Variants in FOXK1 observed in about 807,000 individuals in gnomAD.
FOXK1 encodes forkhead box protein K1.
Under a neutral mutation model 51.9 loss-of-function variants are expected in FOXK1, and 19 were observed. The observed-to-expected ratio is 0.37, with a 90% confidence interval of 0.26 to 0.54. The LOEUF is 0.54. FOXK1 is among the 20% of genes least tolerant of loss of function. The pLI, the probability that FOXK1 is intolerant of heterozygous loss-of-function variation, is 0.87. For missense variants in FOXK1, 870 were observed against 1,032.7 expected (o/e 0.84, Z 2.16); for synonymous variants, 537 against 482.6 (o/e 1.11, Z -1.48).
intron 7 of FOXK1, among the ~76,000 whole-genome samples, chr7:4,760,450 T>C (rs1222675675): frequency 2.0e-5 from 3 of 152,186 alleles, no homozygotes; most frequent in Non-Finnish European, 4.4e-5. Context: ...AAACTGCAGT[T>C]TGGTGAGGGA....
At position 4,762,265 on chromosome 7, in the gene FOXK1, G is replaced by A. The variant is rs1562393117; in HGVS notation, c.2003G>A (p.Gly668Glu). The A allele has an allele frequency of 1.3e-6, 2 of 1,551,248 alleles. No individual in the cohort carries two copies. The change falls in exon 9 of 9, where the codon GGG (glycine) becomes GAG (glutamate). Residue 668 changes from glycine to glutamate, a missense_variant. Around this residue, in one of 3 missense-constraint regions of FOXK1, gnomAD observed 457 missense variants for 510.8 expected, o/e 0.89. Coordinates refer to ENST00000328914, the MANE Select transcript of FOXK1 (RefSeq NM_001037165.2). This position sits in a 1 kb window ranked among gnomAD's most constrained non-coding sequence, Gnocchi z 5.7. ...PVVVTRVCEVGPKEPAAAVAA... is the reference protein window; with the variant it reads ...PVVVTRVCEVEPKEPAAAVAA... ...GTGGTCACCCGGGTGTGCGAGGTGG[G>A]GCCCAAGGAGCCAGCAGCAGCCGTC...
rs113397751 is a variant in FOXK1, at chr7:4,764,473, G to T, written c.*2009G>T. The T allele has an allele frequency of 0.038, 5,853 of 154,574 alleles. 368 individuals carry two copies. The highest frequency in any genetic ancestry group is 0.13 in the African/African-American group (5,418 of 41,604). The allele number at this position is 154,574 out of a possible 1,614,324, so 9.6% of individuals were successfully genotyped here. A position where few individuals can be genotyped will look rare whatever the true frequency, so the allele number is the denominator to read the frequency against. The stretch of plus-strand genomic sequence containing the variant: ...TTACGTCCGTGGAGGGTGAGAGATT[G>T]CGCCCCGTTCCACACTTGTGTCGCC... On this transcript the variant is annotated 3_prime_UTR_variant, in exon 9 of 9. Transcript: ENST00000328914.
chr7:4,716,179 C>G (rs969606528), intron 1 of FOXK1, among the ~76,000 whole-genome samples: 1 of 151,818 alleles, frequency 6.6e-6, no homozygotes, highest in Non-Finnish European at 1.5e-5. Flanking sequence ...TGAGATTGCG[C>G]CTCTGCACTC....
At chr7:4,741,519 C>CG (rs1214147551) in intron 2 of FOXK1, among the ~76,000 whole-genome samples, 1 of 152,026 alleles carries the variant, frequency 6.6e-6, no homozygotes, top group Non-Finnish European at 1.5e-5. Flanking sequence ...TTAGTAGAGA[C>CG]GGGGTTTCAC....
At chr7:4,751,881 A>C (rs1457907772) in intron 2 of FOXK1, among the ~76,000 whole-genome samples, 2 of 152,230 alleles carry the variant, frequency 1.3e-5, no homozygotes, top group Non-Finnish European at 2.9e-5. Flanking sequence ...AGGCTTCGCC[A>C]ACCTTTCTTA....
intron 1 of FOXK1, among the ~76,000 whole-genome samples, chr7:4,692,617 A>T (rs1035236703): frequency 1.3e-5 from 2 of 151,034 alleles, no homozygotes; most frequent in African/African-American, 4.9e-5. Flanking sequence ...CTGGTCTCGA[A>T]CTCCTAACCT....
intron 1 of FOXK1, among the ~76,000 whole-genome samples, chr7:4,717,121 A>G (rs552830468): frequency 1.5e-5 from 2 of 135,930 alleles, no homozygotes; most frequent in East Asian, 4.7e-4. Context: ...GTGGCTGGGA[A>G]GGCATATGGC....
At chr7:4,705,996 A>ATACG (rs1780091665) in intron 1 of FOXK1, among the ~76,000 whole-genome samples, 1 of 96,402 alleles carries the variant, frequency 1.0e-5, no homozygotes, top group Non-Finnish European at 1.8e-5. Flanking sequence ...ATATATACGT[A>ATACG]TATATACGTA....
intron 1 of FOXK1, among the ~76,000 whole-genome samples, chr7:4,698,379 AT>A (rs530993043): frequency 1.2e-4 from 18 of 149,420 alleles, no homozygotes; most frequent in East Asian, 7.8e-4. Flanking sequence ...AAGAATAAGG[AT>A]TTTTTTTTTC....
Position 4,755,341 on chromosome 7 carries a change from C to T in FOXK1, c.1008C>T (p.Thr336=). Residue 336 remains threonine (T), a synonymous_variant, in exon 4 of 9, where the codon ACC becomes ACT. Coordinates refer to ENST00000328914, the MANE Select transcript of FOXK1 (RefSeq NM_001037165.2). This position sits in a 1 kb window ranked among gnomAD's most constrained non-coding sequence, Gnocchi z 6.6. ...LTLSGIYAHI[T]KHYPYYRTAD... ...TGAGCGGGATCTACGCCCACATCAC[C>T]AAGCATTACCCCTACTACCGGACGG... 2 of 1,613,806 alleles carry T rather than the reference C, an allele frequency of 1.2e-6. No homozygotes were observed. Among genetic ancestry groups the T allele is most frequent in the Non-Finnish European group, 1.7e-6 (2 of 1,180,048 alleles).
chr7:4,726,153 T>C (rs1338474776), intron 1 of FOXK1, among the ~76,000 whole-genome samples: 1 of 152,118 alleles, frequency 6.6e-6, no homozygotes, highest in Non-Finnish European at 1.5e-5. Flanking sequence ...TAAATAACTT[T>C]GAATTTGGAT....
rs1364508633 is a variant in FOXK1, at chr7:4,703,277, G to T, written c.560+20409G>T. Among the ~76,000 whole-genome samples the T allele has an allele frequency of 6.6e-6, 1 of 152,158 alleles. No individual in the cohort carries two copies. On this transcript the variant is annotated intron_variant, in intron 1 of 8. Coordinates refer to ENST00000328914, the MANE Select transcript of FOXK1 (RefSeq NM_001037165.2). The surrounding 1 kb of genome is among the most constrained non-coding windows in gnomAD (Gnocchi z 5.6). ...AGACCTCCAGCCATTGGGCCTCTCC[G>T]CTCTGGGGTGAGGGGAGGGAGGGGG...
At position 4,711,145 on chromosome 7, in the gene FOXK1, T is replaced by C. The variant is rs962399564; in HGVS notation, c.560+28277T>C. Among the ~76,000 whole-genome samples, 1 of 152,100 alleles carries C rather than the reference T, an allele frequency of 6.6e-6. No homozygotes were observed. Among genetic ancestry groups the C allele is most frequent in the Non-Finnish European group, 1.5e-5 (1 of 68,020 alleles). On this transcript the variant is annotated intron_variant, in intron 1 of 8. Transcript: ENST00000328914. This position sits in a 1 kb window ranked among gnomAD's most constrained non-coding sequence, Gnocchi z 6.3. ...ACTTAGTCTCTCTGACTTCTTCTAC[T>C]CAAGCATGATGTCCGTTCCTGATGC... is the stretch of plus-strand genomic sequence containing the variant.
At chr7:4,728,895 C>G (rs1342986647) in intron 1 of FOXK1, among the ~76,000 whole-genome samples, 1 of 152,178 alleles carries the variant, frequency 6.6e-6, no homozygotes, top group Non-Finnish European at 1.5e-5. Context: ...GCGTCTGGTA[C>G]TTGGTATCAG....
intron 2 of FOXK1, among the ~76,000 whole-genome samples, chr7:4,746,417 C>T (rs1038243126): frequency 6.6e-6 from 1 of 152,058 alleles, no homozygotes; most frequent in Non-Finnish European, 1.5e-5. Context: ...TTCTGGTTGG[C>T]TGGGTGTGGT....
chr7:4,717,553 C>T (rs62453200), intron 1 of FOXK1, among the ~76,000 whole-genome samples: 4 of 151,086 alleles, frequency 2.6e-5, no homozygotes, highest in East Asian at 1.9e-4. Context: ...AGTGGCAGGA[C>T]GTGCATGGCT....
In FOXK1 at chr7:4,735,632, C is replaced by T. The variant is rs577429023; in HGVS notation, c.561-5206C>T. ...GCACTTGCTCGTACAGGAACCTTTC[C>T]GCCGGGCTGGTGGACGGAGATTTCT... On this transcript the variant is annotated intron_variant, in intron 1 of 8. Transcript: ENST00000328914. This position sits in a 1 kb window ranked among gnomAD's most constrained non-coding sequence, Gnocchi z 4.7. 7.2e-5 allele frequency among the ~76,000 whole-genome samples: 11 copies of T among 152,204 alleles called. No individual in the cohort carries two copies. In the South Asian group the frequency reaches 2.1e-3, roughly 29 times the overall value.
At chr7:4,692,729 T>A (rs1360126570) in intron 1 of FOXK1, among the ~76,000 whole-genome samples, 2 of 151,964 alleles carry the variant, frequency 1.3e-5, no homozygotes, top group Non-Finnish European at 2.9e-5. Context: ...GTTTCTTTTT[T>A]TTTATTTATT....
chr7:4,685,250 G>A (rs1217383298), intron 1 of FOXK1, among the ~76,000 whole-genome samples: 1 of 137,562 alleles, frequency 7.3e-6, no homozygotes, highest in African/African-American at 2.7e-5. Context: ...TTCTGTCATG[G>A]AGTCTCGCTC....
Sources: allele counts gnomAD v4.1 joint callset (sites outside exome capture counted in the v4.1 genomes callset), GRCh38; gene constraint gnomAD v4.1.1; regional missense constraint gnomAD v4.1.1; non-coding constraint Gnocchi (gnomAD v3.1); transcripts MANE v1.5; gene names NCBI Gene and HGNC (gene_info 2026-07-23, HGNC 2026-07-21).